The following NBEAL1 variants were observed in gnomAD, a reference collection of about 807,000 sequenced individuals.
NBEAL1 encodes neurobeachin like 1.
Under a neutral mutation model 351.3 loss-of-function variants are expected in NBEAL1, and 273 were observed. The ratio of observed to expected loss-of-function variants is 0.78; its 90% CI spans 0.70 to 0.86. NBEAL1 has a LOEUF of 0.86. NBEAL1 is among the 40% of genes least tolerant of loss of function. The pLI is 0.00. For synonymous variants in NBEAL1, 1,050 were observed against 1,086.4 expected (o/e 0.97, Z 0.66); for missense variants, 2,961 against 3,201.3 (o/e 0.92, Z 1.81).
chr2:203,049,034 TCTCA>T (rs1314620909), intron 3 of NBEAL1, among the ~76,000 whole-genome samples: 2 of 151,600 alleles, frequency 1.3e-5, no homozygotes, highest in African/African-American at 4.8e-5. Context: ...TGAGACAGAG[TCTCA>T]CTCTGTCACC....
intron 10 of NBEAL1, among the ~76,000 whole-genome samples, chr2:203,095,120 G>A (rs775227027): frequency 5.9e-5 from 9 of 151,924 alleles, no homozygotes; most frequent in South Asian, 2.1e-4. Flanking sequence ...GTGAAACTCC[G>A]TCTCAAAAAA....
At chr2:203,157,543 G>A (rs540107155) in intron 35 of NBEAL1, among the ~76,000 whole-genome samples, 156 bp from the exon 36 acceptor site, 11 of 152,026 alleles carry the variant, frequency 7.2e-5, no homozygotes, top group East Asian at 1.9e-4. Context: ...GCCATCAAAC[G>A]TGAAGGATTA....
intron 2 of NBEAL1, among the ~76,000 whole-genome samples, chr2:203,020,680 A>G (rs1367291664): frequency 1.3e-5 from 2 of 151,934 alleles, no homozygotes; most frequent in Non-Finnish European, 2.9e-5. Context: ...CAAAAAAAAA[A>G]AAAAAAAGAA....
intron 2 of NBEAL1, 26 bp downstream of exon 2, chr2:203,016,461 T>G: frequency 7.3e-7 from 1 of 1,365,898 alleles, no homozygotes; most frequent in Non-Finnish European, 9.8e-7. Context: ...TTTATTTTTA[T>G]GTTTTAAAAT....
chr2:203,125,375 G>A lies in NBEAL1; in HGVS notation c.2706G>A (p.Gly902=). Residue 902 remains glycine (G), a synonymous_variant, in exon 20 of 56, where the codon GGG becomes GGA. Coordinates refer to ENST00000683969, the MANE Select transcript of NBEAL1 (RefSeq NM_001378026.1). The stretch of plus-strand genomic sequence containing the variant: ...AGGATATCATAAACTGCATAGGTGG[G>A]TTAAATGTACTCTTTCCTTTATTGG... ...DIKDIINCIG[G]LNVLFPLLEQ... The A allele has an allele frequency of 6.5e-7, 1 of 1,537,412 alleles. No homozygotes were observed. The highest frequency in any genetic ancestry group is 8.8e-7 in the Non-Finnish European group (1 of 1,142,268).
rs748951989 is a variant in NBEAL1 at position 203,177,670 on chromosome 2, G to A, written c.6464+2383G>A. Among the ~76,000 whole-genome samples, 3 of 152,122 alleles carry A rather than the reference G, an allele frequency of 2.0e-5. 1 individual carries two copies. Among genetic ancestry groups the A allele is most frequent in the Non-Finnish European group, 4.4e-5 (3 of 68,028 alleles). Reference sequence around the variant, plus strand: ...GAAGCCTTATAAATACTGCCAGTGGGAATGTAAAATGGTATAGCTTTTGTG... The same window carrying A: ...GAAGCCTTATAAATACTGCCAGTGGAAATGTAAAATGGTATAGCTTTTGTG... On this transcript the variant is annotated intron_variant, in intron 42 of 55. Coordinates refer to ENST00000683969, the MANE Select transcript of NBEAL1 (RefSeq NM_001378026.1).
At chr2:203,170,202 C>G (rs111267793) in intron 39 of NBEAL1, among the ~76,000 whole-genome samples, 7 of 152,220 alleles carry the variant, frequency 4.6e-5, no homozygotes, top group African/African-American at 1.7e-4. Flanking sequence ...GAAACCCCAT[C>G]TCTACTAAAA....
chr2:203,172,698 A>G (rs773196260), intron 40 of NBEAL1, 31 bp from the exon 41 acceptor site: 58 of 1,587,170 alleles, frequency 3.7e-5, no homozygotes, highest in Non-Finnish European at 4.5e-5. Context: ...CTAGGAAGGA[A>G]TGTCTAAATT....
chr2:203,051,512 C>G (rs1369816694), intron 4 of NBEAL1, among the ~76,000 whole-genome samples: 1 of 150,722 alleles, frequency 6.6e-6, no homozygotes, highest in Non-Finnish European at 1.5e-5. Context: ...TGCCATTGCA[C>G]TTCAGCCTGG....
intron 3 of NBEAL1, among the ~76,000 whole-genome samples, chr2:203,046,262 C>T (rs188423283): frequency 4.9e-4 from 74 of 152,088 alleles, no homozygotes; most frequent in African/African-American, 1.7e-3. Context: ...GTTGCCCAGG[C>T]GGGAGTGCAG....
At position 203,107,369 on chromosome 2, in the gene NBEAL1, A is replaced by G. The variant is rs2062461024; in HGVS notation, c.1270-51A>G. On this transcript the variant is annotated intron_variant, in intron 12 of 55. Coordinates refer to ENST00000683969, the MANE Select transcript of NBEAL1 (RefSeq NM_001378026.1). ...TATTTAATATTTTTAATATTCCAAC[A>G]TATTCAGTCTTTGAAAATGTACTTT... 7 of 857,222 alleles carry G rather than the reference A, an allele frequency of 8.2e-6. No homozygotes were observed. The Admixed American group carries it at 1.6e-4, about 20-fold the overall frequency. The allele number at this position is 857,222 out of a possible 1,614,324, so 53.1% of individuals were successfully genotyped here. A position where few individuals can be genotyped will look rare whatever the true frequency, so the allele number is the denominator to read the frequency against.
At chr2:203,216,270 A>G (rs1245089031) in intron 55 of NBEAL1, among the ~76,000 whole-genome samples, 2 of 152,210 alleles carry the variant, frequency 1.3e-5, no homozygotes, top group African/African-American at 4.8e-5. Context: ...TGTTTTCTAC[A>G]TTACTTTTTA....
chr2:203,065,358 A>G (rs2061565034), intron 6 of NBEAL1, among the ~76,000 whole-genome samples: 1 of 152,238 alleles, frequency 6.6e-6, no homozygotes, highest in Non-Finnish European at 1.5e-5. Context: ...ATCTTTTGCC[A>G]GAACTTGAAC....
chr2:203,141,925 A>T (rs573058525), intron 31 of NBEAL1, among the ~76,000 whole-genome samples: 2 of 152,282 alleles, frequency 1.3e-5, no homozygotes, highest in African/African-American at 4.8e-5. Flanking sequence ...TTACATAAAA[A>T]CTAAGATTTC....
chr2:203,110,373 T>C (rs1183973946), intron 15 of NBEAL1, 91 bp downstream of exon 15: 1 of 1,386,108 alleles, frequency 7.2e-7, no homozygotes, highest in East Asian at 2.6e-5. Flanking sequence ...ATTTTTTTGC[T>C]AAAAAATTTA....
chr2:203,068,271 A>G (rs35018756), intron 6 of NBEAL1, 122 bp from the exon 7 acceptor site: 12,187 of 478,884 alleles, frequency 0.025, 218 homozygotes, highest in East Asian at 0.053. Flanking sequence ...CGGATCCTAG[A>G]GATACATAGT....
At position 203,144,652 on chromosome 2, in the gene NBEAL1, T is replaced by C; in HGVS notation, c.4901T>C (p.Ile1634Thr). The C allele has an allele frequency of 5.6e-6, 9 of 1,614,126 alleles. No individual in the cohort carries two copies. Among genetic ancestry groups the C allele is most frequent in the Non-Finnish European group, 7.6e-6 (9 of 1,179,994 alleles). ...KLNTLLQTKV[I>T]ENQDEACYIL... is the part of the protein sequence containing the mutation. Reference sequence around the variant, plus strand: ...AATACCCTTCTTCAGACCAAAGTGATTGAAAATCAGGATGAAGCATGTTAC... The same window carrying C: ...AATACCCTTCTTCAGACCAAAGTGACTGAAAATCAGGATGAAGCATGTTAC... The change falls in exon 32 of 56, where the codon ATT becomes ACT. Residue 1634 changes from isoleucine (I) to threonine (T), a missense_variant. Physicochemically the swap from Ile to Thr is moderately conservative, Grantham distance 89. Transcript: ENST00000683969.
At chr2:203,052,629 C>T (rs1052770414) in intron 4 of NBEAL1, among the ~76,000 whole-genome samples, 1 of 152,082 alleles carries the variant, frequency 6.6e-6, no homozygotes, top group African/African-American at 2.4e-5. Context: ...TTGATAAGGG[C>T]TCATTGCATC....
chr2:203,054,254 C>T lies in NBEAL1; in HGVS notation c.306-2173C>T, dbSNP rs150104427. Among the ~76,000 whole-genome samples, 862 of 152,066 alleles carry T rather than the reference C, an allele frequency of 5.7e-3. 11 individuals are homozygous for T. The highest frequency in any genetic ancestry group is 0.019 in the African/African-American group (807 of 41,466). On this transcript the variant is annotated intron_variant, in intron 4 of 55. Transcript: ENST00000683969. ...CAGCCTGGCCAACATGGTGAAACCC[C>T]GTCTCTACTAAAAATACAAAAATTA...
Sources: gnomAD v4.1 joint callset for allele counts (sites outside exome capture counted in the v4.1 genomes callset) on GRCh38, gnomAD v4.1.1 for gene constraint, MANE v1.5 for transcripts, NCBI Gene and HGNC (gene_info 2026-07-23, HGNC 2026-07-21) for gene names.